Variants in TFPI observed in about 807,000 individuals in gnomAD.
TFPI encodes the protein tissue factor pathway inhibitor.
Under a neutral mutation model 34.6 loss-of-function variants are expected in TFPI, and 15 were observed. That is an observed-to-expected ratio of 0.43 (90% confidence interval 0.29 to 0.67). The LOEUF is 0.67. Among genes scored for constraint, TFPI ranks in the 30% least tolerant of loss-of-function variants. TFPI has a pLI of 0.15. For missense variants in TFPI, 301 were observed against 364.0 expected (o/e 0.83, Z 1.41); for synonymous variants, 105 against 120.1 (o/e 0.87, Z 0.82).
chr2:187,548,932 A>C (rs1488549260), intron 1 of TFPI, among the ~76,000 whole-genome samples: 2 of 152,080 alleles, frequency 1.3e-5, no homozygotes, highest in Non-Finnish European at 2.9e-5. Context: ...AATTCTGGGA[A>C]GTCTAGAATT....
chr2:187,488,085 T>C (rs1483613179), intron 4 of TFPI, among the ~76,000 whole-genome samples: 1 of 151,352 alleles, frequency 6.6e-6, no homozygotes, highest in Non-Finnish European at 1.5e-5. Context: ...AATGTATATA[T>C]TTTCCTAATT....
intron 1 of TFPI, among the ~76,000 whole-genome samples, chr2:187,545,422 A>G (rs1157522451): frequency 1.3e-5 from 2 of 152,218 alleles, no homozygotes; most frequent in Non-Finnish European, 2.9e-5. Context: ...AGAGCTAAAA[A>G]CAATCATAGA....
Position 187,484,988 on chromosome 2 carries a change from CT to C in TFPI, c.359-2del. The C allele has an allele frequency of 1.4e-6, 2 of 1,470,920 alleles. No individual in the cohort carries two copies. Among genetic ancestry groups the C allele is most frequent in the Non-Finnish European group, 1.8e-6 (2 of 1,111,822 alleles). The allele number at this position is 1,470,920 out of a possible 1,614,324, so 91.1% of individuals were successfully genotyped here. A position where few individuals can be genotyped will look rare whatever the true frequency, so the allele number is the denominator to read the frequency against. On this transcript the variant is annotated splice_acceptor_variant, in intron 4 of 7. Coordinates refer to ENST00000233156, the MANE Select transcript of TFPI (RefSeq NM_006287.6). LOFTEE classifies it high-confidence loss of function. ...TCCAAAAAGCAGAAATCTGGCTTTT[CT>C]AGAAATTATAAAAATGTCAGAAAGC...
In TFPI at chr2:187,484,723, A is replaced by T. The variant is rs772300932; in HGVS notation, c.535+88T>A. The T allele has an allele frequency of 1.1e-4, 135 of 1,253,632 alleles. 1 individual carries two copies. Among genetic ancestry groups the T allele is most frequent in the African/African-American group, 6.5e-4 (41 of 62,768 alleles). 77.7% of individuals were successfully genotyped at this position (1,253,632 alleles called of 1,614,324 possible). On this transcript the variant is annotated intron_variant, in intron 5 of 7. Coordinates refer to ENST00000233156, the MANE Select transcript of TFPI (RefSeq NM_006287.6). ...TATCTTCATTTGCATGGCTCAAACA[A>T]AACCTGAGTATAGAATGCCATCTGA...
intron 1 of TFPI, 82 bp from the exon 2 acceptor site, chr2:187,503,852 AC>A: frequency 2.1e-6 from 3 of 1,444,726 alleles, no homozygotes; most frequent in Non-Finnish European, 1.9e-6. Flanking sequence ...TCATATGTGT[AC>A]CTCATATGCA....
intron 6 of TFPI, among the ~76,000 whole-genome samples, chr2:187,480,332 C>G (rs967547671): frequency 6.6e-6 from 1 of 151,958 alleles, no homozygotes; most frequent in African/African-American, 2.4e-5. Flanking sequence ...ATGAGTAACC[C>G]TACACGAACT....
intron 1 of TFPI, among the ~76,000 whole-genome samples, chr2:187,549,853 A>T (rs1411868396): frequency 6.6e-6 from 1 of 151,972 alleles, no homozygotes; most frequent in Non-Finnish European, 1.5e-5. Context: ...ATTAACAGGG[A>T]TTGGATTTTT....
At chr2:187,481,124 A>C (rs977311631) in intron 6 of TFPI, among the ~76,000 whole-genome samples, 1 of 152,076 alleles carries the variant, frequency 6.6e-6, no homozygotes, top group East Asian at 1.9e-4. Flanking sequence ...ACTCTACTTA[A>C]AGATTGTTAT....
At chr2:187,536,138 G>A (rs1403746210) in intron 1 of TFPI, among the ~76,000 whole-genome samples, 4 of 152,102 alleles carry the variant, frequency 2.6e-5, no homozygotes, top group Admixed American at 6.6e-5. Context: ...ATTCACAGCC[G>A]AATTCTACCA....
chr2:187,484,543 A>C, intron 5 of TFPI: 1 of 479,518 alleles, frequency 2.1e-6, no homozygotes. Flanking sequence ...AGATTTCAGC[A>C]ATTCTATTGT....
At chr2:187,478,779 C>T (rs1692572290) in intron 6 of TFPI, 1 of 1,613,290 alleles carries the variant, frequency 6.2e-7, no homozygotes, top group Non-Finnish European at 8.5e-7. Context: ...ATTCTTCCAA[C>T]CATCATTTGT....
At chr2:187,505,751 G>A (rs968095167) in intron 1 of TFPI, among the ~76,000 whole-genome samples, 1 of 152,122 alleles carries the variant, frequency 6.6e-6, no homozygotes, top group Admixed American at 6.6e-5. Context: ...GGAATTGTAG[G>A]AGACCATCAT....
chr2:187,535,855 AAG>A (rs1273172708), intron 1 of TFPI, among the ~76,000 whole-genome samples: 6 of 152,220 alleles, frequency 3.9e-5, no homozygotes, highest in Non-Finnish European at 7.3e-5. Context: ...TGAAGAAGAA[AAG>A]AGAGAAGAAT....
intron 7 of TFPI, 126 bp downstream of exon 7, chr2:187,467,627 C>A: frequency 1.2e-6 from 1 of 812,120 alleles, no homozygotes; most frequent in South Asian, 3.8e-5. Flanking sequence ...TTGAAGAGGA[C>A]ATTTATTAGC....
chr2:187,487,222 T>C (rs760302977), intron 4 of TFPI, among the ~76,000 whole-genome samples: 3 of 151,528 alleles, frequency 2.0e-5, no homozygotes, highest in Admixed American at 6.6e-5. Flanking sequence ...AACTTCTTTA[T>C]TATAAATATG....
chr2:187,475,169 T>G (rs1692294404), intron 6 of TFPI, among the ~76,000 whole-genome samples: 1 of 152,168 alleles, frequency 6.6e-6, no homozygotes, highest in Non-Finnish European at 1.5e-5. Flanking sequence ...TAGTCCCGTG[T>G]AGGAGACACT....
chr2:187,475,004 C>T (rs1692280727), intron 6 of TFPI, among the ~76,000 whole-genome samples: 1 of 152,162 alleles, frequency 6.6e-6, no homozygotes, highest in Non-Finnish European at 1.5e-5. Flanking sequence ...GTTATTGTGA[C>T]TCTGTTCTCC....
In TFPI at chr2:187,480,463, A is replaced by G. The variant is rs555931106; in HGVS notation, c.628+3661T>C. ...CCTCATTTTACATTGGAAAGATGAAACTCAGGTTAAGAAATATCTTAGGGT... is the reference window on the plus strand; with the variant it reads ...CCTCATTTTACATTGGAAAGATGAAGCTCAGGTTAAGAAATATCTTAGGGT... On this transcript the variant is annotated intron_variant, in intron 6 of 7. Coordinates refer to ENST00000233156, the MANE Select transcript of TFPI (RefSeq NM_006287.6). Among the ~76,000 whole-genome samples, 80 of 152,112 alleles carry G rather than the reference A, an allele frequency of 5.3e-4. 1 individual carries two copies. Among genetic ancestry groups the G allele is most frequent in the Non-Finnish European group, 7.5e-4 (51 of 67,992 alleles).
chr2:187,537,742 TCTAA>T (rs1688342221), intron 1 of TFPI, among the ~76,000 whole-genome samples: 1 of 152,008 alleles, frequency 6.6e-6, no homozygotes, highest in Non-Finnish European at 1.5e-5. Flanking sequence ...ACAAATGGGA[TCTAA>T]TTAAACTAAA....
Sources: gnomAD v4.1 joint callset for allele counts (sites outside exome capture counted in the v4.1 genomes callset) on GRCh38, gnomAD v4.1.1 for gene constraint, MANE v1.5 for transcripts, NCBI Gene and HGNC (gene_info 2026-07-23, HGNC 2026-07-21) for gene names.